AGBL4: variants seen among roughly 807,000 people sequenced by gnomAD.
The protein encoded by AGBL4 is AGBL carboxypeptidase 4, also known as cytosolic carboxypeptidase 6.
In AGBL4, 58 loss-of-function variants were observed where a neutral mutation model predicts 66.4. That is an observed-to-expected ratio of 0.87 (90% confidence interval 0.71 to 1.09). The LOEUF (loss-of-function observed/expected upper bound fraction) is 1.09. AGBL4 is among the 50% of genes least tolerant of loss of function. AGBL4 has a pLI of 0.00. For synonymous variants in AGBL4, 234 were observed against 222.9 expected, an observed-to-expected ratio of 1.05 and a Z score of -0.44; for missense variants, 579 against 631.0, an observed-to-expected ratio of 0.92 and a Z score of 0.88.
At chr1:49,777,119 T>C (rs1644217726) in intron 2 of AGBL4, among the ~76,000 whole-genome samples, 1 of 152,148 alleles carries the variant, frequency 6.6e-6, no homozygotes, top group Non-Finnish European at 1.5e-5. Context: ...GATTGTAGGG[T>C]GAAAGCTGAG....
intron 6 of AGBL4, among the ~76,000 whole-genome samples, chr1:48,824,385 C>A (rs528638403): frequency 5.9e-5 from 9 of 152,196 alleles, no homozygotes; most frequent in Non-Finnish European, 7.4e-5. Flanking sequence ...TAACTGAAGG[C>A]ACAGGAATAG....
At chr1:49,214,351 A>G (rs1280993265) in intron 4 of AGBL4, among the ~76,000 whole-genome samples, 1 of 152,150 alleles carries the variant, frequency 6.6e-6, no homozygotes, top group East Asian at 1.9e-4. Context: ...TGTCCTAAGC[A>G]TCCTATGTGG....
chr1:49,585,162 T>C (rs1026708150), intron 3 of AGBL4, among the ~76,000 whole-genome samples: 1 of 152,228 alleles, frequency 6.6e-6, no homozygotes, highest in Non-Finnish European at 1.5e-5. Context: ...GGGAACAAAC[T>C]ACAGCGTAGC....
At chr1:49,443,227 C>CTTG (rs1646075546) in intron 3 of AGBL4, among the ~76,000 whole-genome samples, 2 of 152,044 alleles carry the variant, frequency 1.3e-5, no homozygotes, top group African/African-American at 4.8e-5. Flanking sequence ...CAAGTTGTCT[C>CTTG]TTCAATCTGT....
At chr1:49,396,653 T>G (rs1319125803) in intron 3 of AGBL4, among the ~76,000 whole-genome samples, 1 of 152,164 alleles carries the variant, frequency 6.6e-6, no homozygotes, top group Non-Finnish European at 1.5e-5. Flanking sequence ...GATATAATAC[T>G]GTGTGAAAAA....
At chr1:49,282,524 T>C (rs1644297329) in intron 3 of AGBL4, among the ~76,000 whole-genome samples, 2 of 152,172 alleles carry the variant, frequency 1.3e-5, no homozygotes, top group South Asian at 2.1e-4. Flanking sequence ...GGACCCAAGA[T>C]GGCCGAATAG....
chr1:49,683,818 G>T (rs1646740756), intron 3 of AGBL4, among the ~76,000 whole-genome samples: 1 of 152,130 alleles, frequency 6.6e-6, no homozygotes, highest in Admixed American at 6.6e-5. Flanking sequence ...GGTACAATAA[G>T]TTAAAAATAG....
At chr1:49,296,810 C>T (rs1644652167) in intron 3 of AGBL4, among the ~76,000 whole-genome samples, 1 of 152,236 alleles carries the variant, frequency 6.6e-6, no homozygotes, top group African/African-American at 2.4e-5. Flanking sequence ...AGAGCCTCTT[C>T]TGTGTCAACA....
At chr1:49,562,629 C>A (rs1317408101) in intron 3 of AGBL4, among the ~76,000 whole-genome samples, 1 of 152,012 alleles carries the variant, frequency 6.6e-6, no homozygotes, top group Non-Finnish European at 1.5e-5. Context: ...AGATATATGG[C>A]ATTATTTCTG....
chr1:49,487,659 T>C (rs1424809800), intron 3 of AGBL4, among the ~76,000 whole-genome samples: 1 of 151,926 alleles, frequency 6.6e-6, no homozygotes, highest in African/African-American at 2.4e-5. Context: ...AAACTGTGAG[T>C]CAATTAAACC....
At chr1:48,863,672 TAGATGAC>T (rs1647704784) in intron 6 of AGBL4, among the ~76,000 whole-genome samples, 1 of 152,080 alleles carries the variant, frequency 6.6e-6, no homozygotes, top group South Asian at 2.1e-4. Context: ...GTAAAATTGA[TAGATGAC>T]AGATGTGTAA....
At chr1:49,983,657 T>C (rs765231186) in intron 1 of AGBL4, among the ~76,000 whole-genome samples, 92 of 152,264 alleles carry the variant, frequency 6.0e-4, no homozygotes, top group Non-Finnish European at 1.2e-3. Flanking sequence ...GTAACATTAG[T>C]AAGATTAGAA....
chr1:48,660,301 C>T (rs1009072280), intron 7 of AGBL4, among the ~76,000 whole-genome samples: 2 of 152,218 alleles, frequency 1.3e-5, no homozygotes, highest in African/African-American at 4.8e-5. Flanking sequence ...ATCAGCAGCT[C>T]GGCGGTGAGA....
chr1:48,829,689 A>T (rs1646506496), intron 6 of AGBL4, among the ~76,000 whole-genome samples: 1 of 151,862 alleles, frequency 6.6e-6, no homozygotes, highest in Non-Finnish European at 1.5e-5. Context: ...TTTTTCCAGG[A>T]GTTAAACCAC....
At chr1:49,479,385 A>C (rs887657746) in intron 3 of AGBL4, among the ~76,000 whole-genome samples, 2 of 151,918 alleles carry the variant, frequency 1.3e-5, no homozygotes, top group African/African-American at 4.8e-5. Flanking sequence ...GTTGGTCATA[A>C]AAATTATTTC....
intron 1 of AGBL4, among the ~76,000 whole-genome samples, chr1:49,891,586 G>A (rs772305486): frequency 1.3e-5 from 2 of 152,170 alleles, no homozygotes; most frequent in African/African-American, 2.4e-5. Flanking sequence ...AGTCAAAGAA[G>A]GGTGCTTGAA....
intron 1 of AGBL4, among the ~76,000 whole-genome samples, chr1:49,950,095 C>G (rs12125017): frequency 7.3e-6 from 1 of 136,532 alleles, no homozygotes; most frequent in Non-Finnish European, 1.6e-5. Flanking sequence ...TATATATATA[C>G]ACATATATAT....
intron 3 of AGBL4, among the ~76,000 whole-genome samples, chr1:49,651,571 A>T (rs1356661830): frequency 6.6e-6 from 1 of 152,168 alleles, no homozygotes; most frequent in African/African-American, 2.4e-5. Flanking sequence ...CATTTGAGAA[A>T]GCCACCACAC....
At chr1:49,417,811 G>A (rs1209921955) in intron 3 of AGBL4, among the ~76,000 whole-genome samples, 3 of 152,074 alleles carry the variant, frequency 2.0e-5, no homozygotes, top group Admixed American at 2.0e-4. Flanking sequence ...AATCTTACCA[G>A]AGAAAGCAAT....
Sources: allele counts gnomAD v4.1 joint callset (sites outside exome capture counted in the v4.1 genomes callset), GRCh38; gene constraint gnomAD v4.1.1; transcripts MANE v1.5; gene names NCBI Gene and HGNC (gene_info 2026-07-23, HGNC 2026-07-21).